MYO7B: variants seen among roughly 807,000 people sequenced by gnomAD.
The protein encoded by MYO7B is unconventional myosin-VIIb.
Under a neutral mutation model 259.7 loss-of-function variants are expected in MYO7B, and 212 were observed. The observed-to-expected ratio is 0.82, with a 90% CI of 0.73 to 0.91. The LOEUF (loss-of-function observed/expected upper bound fraction) is 0.91, where lower values mean the gene tolerates loss of function less well. Ranked by LOEUF, MYO7B falls within the 40% of genes least tolerant of loss-of-function variation. The probability of loss-of-function intolerance (pLI) is 0.00; values close to 1 mark genes in which losing one functional copy is unlikely to be tolerated. For synonymous variants in MYO7B, 1,197 were observed against 1,166.4 expected, an observed-to-expected ratio of 1.03 and a Z score of -0.54; for missense variants, 2,732 against 2,813.5, an observed-to-expected ratio of 0.97 and a Z score of 0.66.
chr2:127,605,151 A>G (rs1036606187), intron 19 of MYO7B, among the ~76,000 whole-genome samples: 1 of 152,248 alleles, frequency 6.6e-6, no homozygotes, highest in African/African-American at 2.4e-5. Flanking sequence ...GTCTCGCCAG[A>G]GCCCAGCTTT....
chr2:127,602,103 T>A (rs1679983585), intron 19 of MYO7B, among the ~76,000 whole-genome samples: 1 of 152,230 alleles, frequency 6.6e-6, no homozygotes, highest in South Asian at 2.1e-4. Flanking sequence ...TATGACTTAT[T>A]TAAAAATTTT....
intron 19 of MYO7B, among the ~76,000 whole-genome samples, chr2:127,601,603 G>T (rs1317561185): frequency 6.6e-6 from 1 of 151,348 alleles, no homozygotes; most frequent in Non-Finnish European, 1.5e-5. Flanking sequence ...TACTTTATCT[G>T]GTATTAATAT....
chr2:127,548,725 T>C (rs898273026), intron 1 of MYO7B, among the ~76,000 whole-genome samples: 3 of 152,212 alleles, frequency 2.0e-5, no homozygotes, highest in Non-Finnish European at 4.4e-5. Context: ...CTAGATTTTT[T>C]AACTATGCAT....
rs889135579 is a variant in MYO7B at position 127,546,791 on chromosome 2, T to C, written c.-24+10960T>C. On this transcript the variant is annotated intron_variant, in intron 1 of 47. Coordinates refer to ENST00000409816, the MANE Select transcript of MYO7B (RefSeq NM_001393586.1). This position sits in a 1 kb window ranked among gnomAD's most constrained non-coding sequence, Gnocchi z 4.2. ...ATCCATCCATCCATCCATCCATCCA[T>C]CCATCCATCCATCAATCCATTCATC... Among the ~76,000 whole-genome samples the C allele has an allele frequency of 3.3e-5, 5 of 151,570 alleles. No homozygotes were observed. The South Asian group carries it at 1.0e-3, about 32-fold the overall frequency.
chr2:127,566,170 C>T (rs941557772), intron 4 of MYO7B, among the ~76,000 whole-genome samples: 3 of 152,214 alleles, frequency 2.0e-5, no homozygotes, highest in African/African-American at 4.8e-5. Context: ...CTCTGCCTGC[C>T]GCACCCCCTG....
rs1323471040 is a variant in MYO7B at position 127,566,706 on chromosome 2, G to T, written c.349G>T (p.Glu117Ter). The T allele has an allele frequency of 6.2e-7, 1 of 1,611,034 alleles. No homozygotes were observed. The highest frequency in any genetic ancestry group is 1.1e-5 in the South Asian group (1 of 90,772). Reference sequence around the variant, plus strand: ...CCAGGTGCTGCCGCTCTACACCCTGGAGCAGGTACAGCTCTACTACAGCCG... The same window carrying T: ...CCAGGTGCTGCCGCTCTACACCCTGTAGCAGGTACAGCTCTACTACAGCCG... ...PFQVLPLYTLEQVQLYYSRHM... is the reference protein window; with the variant it reads ...PFQVLPLYTL The change falls in exon 5 of 48, where the codon GAG becomes TAG. Residue 117 changes from glutamate (E) to a stop codon, truncating the protein, a stop_gained. Transcript: ENST00000409816. LOFTEE classifies it high-confidence loss of function.
At chr2:127,588,135 G>A (rs1161768297) in intron 14 of MYO7B, among the ~76,000 whole-genome samples, 1 of 152,162 alleles carries the variant, frequency 6.6e-6, no homozygotes, top group Admixed American at 6.5e-5. Flanking sequence ...GGAGGATGTG[G>A]CAGCTTATAT....
Position 127,597,677 on chromosome 2 carries a change from C to T in MYO7B, c.2339+1121C>T, listed in dbSNP as rs2104994620. On this transcript the variant is annotated intron_variant, in intron 19 of 47. Transcript: ENST00000409816. This position sits in a 1 kb window ranked among gnomAD's most constrained non-coding sequence, Gnocchi z 4.8. ...TGAAACAAAGTCTCACTCAGTCAACCAGGCTGGAGTACAGTGGCACAATCT... is the reference window on the plus strand; with the variant it reads ...TGAAACAAAGTCTCACTCAGTCAACTAGGCTGGAGTACAGTGGCACAATCT... Among the ~76,000 whole-genome samples the T allele has an allele frequency of 1.3e-5, 2 of 151,820 alleles. No homozygotes were observed. Among genetic ancestry groups the T allele is most frequent in the East Asian group, 3.9e-4 (2 of 5,192 alleles).
rs760019804 is a variant in MYO7B at position 127,636,649 on chromosome 2, G to A, written c.6207+21G>A. The A allele has an allele frequency of 2.1e-4, 339 of 1,609,256 alleles. 1 individual carries two copies. The highest frequency in any genetic ancestry group is 2.0e-5 in the Non-Finnish European group (23 of 1,177,764). ...CCAAGGTAGCTGCTGGGCCTCCGGA[G>A]GGGCTGGGGGCCACCAGGTCCAGGG... On this transcript the variant is annotated intron_variant, in intron 46 of 47. Transcript: ENST00000409816. This position sits in a 1 kb window ranked among gnomAD's most constrained non-coding sequence, Gnocchi z 4.5.
intron 29 of MYO7B, among the ~76,000 whole-genome samples, chr2:127,623,809 A>G (rs1360537956): frequency 1.3e-5 from 2 of 152,006 alleles, no homozygotes; most frequent in Non-Finnish European, 2.9e-5. Context: ...AGACTCACAC[A>G]CCAGTCATCC....
chr2:127,633,908 G>A (rs1041611892), intron 40 of MYO7B, among the ~76,000 whole-genome samples: 5 of 152,338 alleles, frequency 3.3e-5, no homozygotes, highest in African/African-American at 7.2e-5. Context: ...TTCGGGTCCC[G>A]GTAACAGGAA....
chr2:127,617,745 A>G lies in MYO7B; in HGVS notation c.3399-2595A>G, dbSNP rs1035335044. On this transcript the variant is annotated intron_variant, in intron 26 of 47. Transcript: ENST00000409816. The stretch of plus-strand genomic sequence containing the variant: ...TCTCGATCTCCTGACCTCATGATCC[A>G]CCCGCCTCGGCCTCCCAAAGTGCTG... 3.6e-5 allele frequency among the ~76,000 whole-genome samples: 5 copies of G among 137,160 alleles called. No homozygotes were observed. In the South Asian group the frequency reaches 9.4e-4, roughly 26 times the overall value. 90.0% of individuals were successfully genotyped at this position (137,160 alleles called of 152,430 possible).
At chr2:127,555,852 G>A (rs1221832626) in intron 1 of MYO7B, among the ~76,000 whole-genome samples, 2 of 152,146 alleles carry the variant, frequency 1.3e-5, no homozygotes, top group African/African-American at 4.8e-5. Flanking sequence ...CATGCACTGA[G>A]GAATAGAATG....
intron 3 of MYO7B, 66 bp from the exon 4 acceptor site, chr2:127,565,167 G>C: frequency 6.4e-7 from 1 of 1,555,210 alleles, no homozygotes; most frequent in African/African-American, 1.4e-5. Context: ...TTGGAGGGGA[G>C]GGTGTGGCAG....
rs975608992 is a variant in MYO7B at position 127,571,856 on chromosome 2, G to A, written c.592+1946G>A. ...AGATAGGTGTTACATCTTATATTGT[G>A]TCCGAGTTTGTGGCTTGTCTTTTCA... On this transcript the variant is annotated intron_variant, in intron 6 of 47. Transcript: ENST00000409816. Among the ~76,000 whole-genome samples the A allele has an allele frequency of 1.4e-4, 22 of 152,182 alleles. 1 individual carries two copies. Among genetic ancestry groups the A allele is most frequent in the Admixed American group, 1.4e-3 (21 of 15,280 alleles).
In MYO7B at chr2:127,585,233, C is replaced by A. The variant is rs1679256552; in HGVS notation, c.1690+320C>A. ...CTTTTTCGCCACCCCTAAAAGAAAC[C>A]CCTCATGAGCAACCACTCCCATTTC... On this transcript the variant is annotated intron_variant, in intron 14 of 47. Coordinates refer to ENST00000409816, the MANE Select transcript of MYO7B (RefSeq NM_001393586.1). This position sits in a 1 kb window ranked among gnomAD's most constrained non-coding sequence, Gnocchi z 4.3. Among the ~76,000 whole-genome samples, 1 of 152,064 alleles carries A rather than the reference C, an allele frequency of 6.6e-6. No individual in the cohort carries two copies. The highest frequency in any genetic ancestry group is 2.1e-4 in the South Asian group (1 of 4,830).
Position 127,607,518 on chromosome 2 carries a change from C to G in MYO7B, c.2643+94C>G. Reference sequence around the variant, plus strand: ...AGTGAGCGGCTGTGTAGAGAGCTCACCAGAAGCGCTTTGGAAAATCCCCCC... The same window carrying G: ...AGTGAGCGGCTGTGTAGAGAGCTCAGCAGAAGCGCTTTGGAAAATCCCCCC... On this transcript the variant is annotated intron_variant, in intron 21 of 47. Transcript: ENST00000409816. This position sits in a 1 kb window ranked among gnomAD's most constrained non-coding sequence, Gnocchi z 4.4. 9.0e-7 allele frequency: 1 copy of G among 1,115,366 alleles called. No individual in the cohort carries two copies. 69.1% of individuals were successfully genotyped at this position (1,115,366 alleles called of 1,614,324 possible). A position where few individuals can be genotyped will look rare whatever the true frequency, so the allele number is the denominator to read the frequency against.
At chr2:127,617,516 G>A (rs1427663662) in intron 26 of MYO7B, among the ~76,000 whole-genome samples, 2 of 33,378 alleles carry the variant, frequency 6.0e-5, no homozygotes, top group African/African-American at 8.0e-4. Flanking sequence ...TTTTTTTTGA[G>A]ACGGAGTCTC....
intron 7 of MYO7B, 102 bp downstream of exon 7, chr2:127,574,164 G>A: frequency 1.4e-6 from 2 of 1,464,312 alleles, no homozygotes; most frequent in Non-Finnish European, 1.9e-6. Flanking sequence ...TTCCCCAAGG[G>A]CCCTCCCAGA....
Sources: allele counts gnomAD v4.1 joint callset (sites outside exome capture counted in the v4.1 genomes callset), GRCh38; gene constraint gnomAD v4.1.1; non-coding constraint Gnocchi (gnomAD v3.1); transcripts MANE v1.5; gene names NCBI Gene and HGNC (gene_info 2026-07-23, HGNC 2026-07-21).